Variants in VARS1 observed in about 807,000 individuals in gnomAD.
The protein encoded by VARS1 is valine--tRNA ligase.
In VARS1, 92 loss-of-function variants were observed where a neutral mutation model predicts 161.0. The ratio of observed to expected loss-of-function variants is 0.57; its 90% CI spans 0.48 to 0.68. VARS1 has a LOEUF of 0.68. Ranked by LOEUF, VARS1 falls within the 30% of genes least tolerant of loss-of-function variation. The pLI is 0.00. For missense variants in VARS1, 1,338 were observed against 1,695.9 expected (o/e 0.79, Z 3.71); for synonymous variants, 595 against 682.5 (o/e 0.87, Z 2.00).
At position 31,782,951 on chromosome 6, in the gene VARS1, C is replaced by T. The variant is rs1813257479; in HGVS notation, c.1763-106G>A. 1.3e-6 allele frequency: 2 copies of T among 1,527,766 alleles called. No homozygotes were observed. The highest frequency in any genetic ancestry group is 2.3e-5 in the East Asian group (1 of 43,262). 94.6% of individuals were successfully genotyped at this position (1,527,766 alleles called of 1,614,324 possible). On this transcript the variant is annotated intron_variant, in intron 14 of 29. Coordinates refer to ENST00000375663, the MANE Select transcript of VARS1 (RefSeq NM_006295.3). This position sits in a 1 kb window ranked among gnomAD's most constrained non-coding sequence, Gnocchi z 8.3. ...TAGCTCCGAGACCACTCCTGGCCCC[C>T]ACTTGTCTAATACAGTCCCTTGAGA...
rs938162710 is a variant in VARS1 at position 31,780,927 on chromosome 6, G to A, written c.2661C>T (p.Asn887=). 8 of 1,614,026 alleles carry A rather than the reference G, an allele frequency of 5.0e-6. No homozygotes were observed. The East Asian group carries it at 1.8e-4, about 36-fold the overall frequency. Reference sequence around the variant, plus strand: ...GATCCAGGTTGCTGTTCAGCAGCTGGTTGTGGAGGCCCTGAGGGTGGAGTG... The same window carrying A: ...GATCCAGGTTGCTGTTCAGCAGCTGATTGTGGAGGCCCTGAGGGTGGAGTG... ...IYGISLQGLH[N]QLLNSNLDPS... Residue 887 remains asparagine (N), a synonymous_variant, in exon 23 of 30, where the codon AAC becomes AAT. Transcript: ENST00000375663. The surrounding 1 kb of genome is among the most constrained non-coding windows in gnomAD (Gnocchi z 5.1).
chr6:31,779,308 A>G lies in VARS1; in HGVS notation c.3401-16T>C. On this transcript the variant is annotated splice_polypyrimidine_tract_variant and intron_variant, in intron 28 of 29. Transcript: ENST00000375663. This position sits in a 1 kb window ranked among gnomAD's most constrained non-coding sequence, Gnocchi z 9.1. ...TCCAGGAAACCTGCCAGGGAGGGAGAAAGGTGAGGCCTAGCTCCATGGAGA... is the reference window on the plus strand; with the variant it reads ...TCCAGGAAACCTGCCAGGGAGGGAGGAAGGTGAGGCCTAGCTCCATGGAGA... The G allele has an allele frequency of 1.2e-6, 2 of 1,601,588 alleles. No individual in the cohort carries two copies. Among genetic ancestry groups the G allele is most frequent in the Non-Finnish European group, 1.7e-6 (2 of 1,179,492 alleles).
In VARS1 at chr6:31,785,813, G is replaced by A. The variant is rs1483309572; in HGVS notation, c.1101-80C>T. 6.7e-7 allele frequency: 1 copy of A among 1,499,508 alleles called. No homozygotes were observed. Among genetic ancestry groups the A allele is most frequent in the Non-Finnish European group, 8.9e-7 (1 of 1,129,800 alleles). The allele number at this position is 1,499,508 out of a possible 1,614,324, so 92.9% of individuals were successfully genotyped here. On this transcript the variant is annotated intron_variant, in intron 8 of 29. Coordinates refer to ENST00000375663, the MANE Select transcript of VARS1 (RefSeq NM_006295.3). The surrounding 1 kb of genome is among the most constrained non-coding windows in gnomAD (Gnocchi z 6.1). ...CAAAGAAAGCAGAGGCTTCAGGCAA[G>A]GAGTCAGTGGACTAAATAAAGAAGC...
Position 31,785,167 on chromosome 6 carries a change from A to G in VARS1, c.1347+79T>C. Reference sequence around the variant, plus strand: ...CCAGCTCCTGAGAGAGGGCCACAACACCTCTGCTTTCTCCTGTGGGGGTCC... The same window carrying G: ...CCAGCTCCTGAGAGAGGGCCACAACGCCTCTGCTTTCTCCTGTGGGGGTCC... On this transcript the variant is annotated intron_variant, in intron 10 of 29. Transcript: ENST00000375663. This position sits in a 1 kb window ranked among gnomAD's most constrained non-coding sequence, Gnocchi z 6.1. 1 of 1,557,842 alleles carries G rather than the reference A, an allele frequency of 6.4e-7. No homozygotes were observed. The highest frequency in any genetic ancestry group is 8.8e-7 in the Non-Finnish European group (1 of 1,132,360).
In VARS1 at chr6:31,777,699, C is replaced by G; in HGVS notation, c.3727-37G>C. 6.2e-7 allele frequency: 1 copy of G among 1,602,148 alleles called. No individual in the cohort carries two copies. The highest frequency in any genetic ancestry group is 8.5e-7 in the Non-Finnish European group (1 of 1,173,918). On this transcript the variant is annotated intron_variant, in intron 29 of 29. Transcript: ENST00000375663. This position sits in a 1 kb window ranked among gnomAD's most constrained non-coding sequence, Gnocchi z 5.8. ...CCAGGGGGTGGGTGAGGACCCAGGT[C>G]CAAGTGAAGAGACCCCCAAACACCC...
chr6:31,794,329 G>C (rs370688180), intron 2 of VARS1, among the ~76,000 whole-genome samples: 1 of 152,152 alleles, frequency 6.6e-6, no homozygotes, highest in African/African-American at 2.4e-5. Context: ...CAAGGAGGCA[G>C]AGTTGAAAGT....
Position 31,793,538 on chromosome 6 carries a change from C to T in VARS1, c.388-418G>A, listed in dbSNP as rs114916735. ...AAAAAACAAAACACTTCTGACTCAT[C>T]CAACAAATCCCTACTCAATACTTAT... On this transcript the variant is annotated intron_variant, in intron 2 of 29. Coordinates refer to ENST00000375663, the MANE Select transcript of VARS1 (RefSeq NM_006295.3). Among the ~76,000 whole-genome samples, 658 of 151,980 alleles carry T rather than the reference C, an allele frequency of 4.3e-3. 5 individuals carry two copies. The highest frequency in any genetic ancestry group is 0.015 in the African/African-American group (626 of 41,452).
rs981115596 is a variant in VARS1 at position 31,784,928 on chromosome 6, G to A, written c.1348-214C>T. Among the ~76,000 whole-genome samples, 4 of 152,206 alleles carry A rather than the reference G, an allele frequency of 2.6e-5. No homozygotes were observed. Among genetic ancestry groups the A allele is most frequent in the Non-Finnish European group, 4.4e-5 (3 of 68,036 alleles). ...CAAGCCTTGTAATGCTGCAGATGGC[G>A]AGGAAGACAATCAGCTGGGGACAAG... On this transcript the variant is annotated intron_variant, in intron 10 of 29. Coordinates refer to ENST00000375663, the MANE Select transcript of VARS1 (RefSeq NM_006295.3). The surrounding 1 kb of genome is among the most constrained non-coding windows in gnomAD (Gnocchi z 6.1).
chr6:31,779,923 T>C lies in VARS1; in HGVS notation c.3081+75A>G. On this transcript the variant is annotated intron_variant, in intron 26 of 29. Coordinates refer to ENST00000375663, the MANE Select transcript of VARS1 (RefSeq NM_006295.3). This position sits in a 1 kb window ranked among gnomAD's most constrained non-coding sequence, Gnocchi z 9.1. Reference sequence around the variant, plus strand: ...GGTTGGCTTAGGTCTCAAGGCCAACTCTGGCAAAACTGAGCCCAGGGCTCT... The same window carrying C: ...GGTTGGCTTAGGTCTCAAGGCCAACCCTGGCAAAACTGAGCCCAGGGCTCT... 2 of 1,604,348 alleles carry C rather than the reference T, an allele frequency of 1.2e-6. No individual in the cohort carries two copies. Among genetic ancestry groups the C allele is most frequent in the Non-Finnish European group, 8.5e-7 (1 of 1,174,812 alleles).
chr6:31,780,510 C>T lies in VARS1; in HGVS notation c.2856G>A (p.Lys952=). 6.2e-7 allele frequency: 1 copy of T among 1,614,066 alleles called. No homozygotes were observed. The highest frequency in any genetic ancestry group is 2.2e-5 in the East Asian group (1 of 44,880). The stretch of plus-strand genomic sequence containing the variant: ...GGGCAAACTTGGTGGCATTCCAGAG[C>T]TTGTTGCAGAAGTGGCGGTAACCCA... ...RILGYRHFCN[K]LWNATKFALR... is the part of the protein sequence containing the mutation. The change falls in exon 25 of 30, where the codon AAG becomes AAA. Residue 952 remains lysine, a synonymous_variant. Transcript: ENST00000375663. This position sits in a 1 kb window ranked among gnomAD's most constrained non-coding sequence, Gnocchi z 5.1.
At position 31,781,322 on chromosome 6, in the gene VARS1, C is replaced by A; in HGVS notation, c.2544+159G>T. 1 of 1,285,152 alleles carries A rather than the reference C, an allele frequency of 7.8e-7. No homozygotes were observed. The allele number at this position is 1,285,152 out of a possible 1,614,324, so 79.6% of individuals were successfully genotyped here. ...GATGAAGCCCTGGGCACAGGAATCA[C>A]TGAGCAGGGCCCAGGCTGGATTTCA... On this transcript the variant is annotated intron_variant, in intron 21 of 29. Coordinates refer to ENST00000375663, the MANE Select transcript of VARS1 (RefSeq NM_006295.3). This position sits in a 1 kb window ranked among gnomAD's most constrained non-coding sequence, Gnocchi z 6.8.
rs773563309 is a variant in VARS1 at position 31,780,020 on chromosome 6, T to C, written c.3059A>G (p.Tyr1020Cys). ...CACCAAGTAGACATCACAGAGCTCA[T>C]AGAGCCAGAAGCTGTACTGGGCAGT... ...VTTAQYSFWL[Y>C]ELCDVYLECL... Residue 1020 changes from tyrosine to cysteine, a missense_variant, in exon 26 of 30, where the codon TAT (tyrosine) becomes TGT (cysteine). Coordinates refer to ENST00000375663, the MANE Select transcript of VARS1 (RefSeq NM_006295.3). This position sits in a 1 kb window ranked among gnomAD's most constrained non-coding sequence, Gnocchi z 5.1. 5 of 1,613,856 alleles carry C rather than the reference T, an allele frequency of 3.1e-6. No homozygotes were observed. In the South Asian group the frequency reaches 3.3e-5, roughly 11 times the overall value.
chr6:31,780,431 A>C lies in VARS1; in HGVS notation c.2925+10T>G. On this transcript the variant is annotated intron_variant, in intron 25 of 29. Transcript: ENST00000375663. This position sits in a 1 kb window ranked among gnomAD's most constrained non-coding sequence, Gnocchi z 5.1. ...AGTGCTGCCAGCTTTGCTGCCCACC[A>C]GGCCCTTACCTGGGAGGTGGGTGAG... 6.2e-7 allele frequency: 1 copy of C among 1,610,628 alleles called. No homozygotes were observed. Among genetic ancestry groups the C allele is most frequent in the South Asian group, 1.1e-5 (1 of 90,394 alleles).
chr6:31,777,790 C>T lies in VARS1; in HGVS notation c.3727-128G>A. Reference sequence around the variant, plus strand: ...GTCAGTAGCTCAGAGGAGGCGTGAACCTGGCTGGCCTGGCTCCCCACCCAT... The same window carrying T: ...GTCAGTAGCTCAGAGGAGGCGTGAATCTGGCTGGCCTGGCTCCCCACCCAT... On this transcript the variant is annotated intron_variant, in intron 29 of 29. Coordinates refer to ENST00000375663, the MANE Select transcript of VARS1 (RefSeq NM_006295.3). This position sits in a 1 kb window ranked among gnomAD's most constrained non-coding sequence, Gnocchi z 5.8. The T allele has an allele frequency of 1.0e-6, 1 of 994,854 alleles. No homozygotes were observed. The highest frequency in any genetic ancestry group is 1.5e-6 in the Non-Finnish European group (1 of 661,264). The allele number at this position is 994,854 out of a possible 1,614,324, so 61.6% of individuals were successfully genotyped here.
chr6:31,781,612 G>A lies in VARS1; in HGVS notation c.2419-6C>T, dbSNP rs1222066911. 1.9e-6 allele frequency: 3 copies of A among 1,612,938 alleles called. No homozygotes were observed. Among genetic ancestry groups the A allele is most frequent in the African/African-American group, 1.3e-5 (1 of 74,990 alleles). On this transcript the variant is annotated splice_polypyrimidine_tract_variant and splice_region_variant and intron_variant, in intron 20 of 29. Coordinates refer to ENST00000375663, the MANE Select transcript of VARS1 (RefSeq NM_006295.3). This position sits in a 1 kb window ranked among gnomAD's most constrained non-coding sequence, Gnocchi z 6.8. ...AACACACTCAGGTCTTCTGACTGAGGGCAGACCAGGGTGTGAAGGGGAGCC... is the reference window on the plus strand; with the variant it reads ...AACACACTCAGGTCTTCTGACTGAGAGCAGACCAGGGTGTGAAGGGGAGCC...
In VARS1 at chr6:31,785,561, A is replaced by C. The variant is rs772658147; in HGVS notation, c.1265+8T>G. The C allele has an allele frequency of 1.3e-5, 20 of 1,599,986 alleles. No homozygotes were observed. The highest frequency in any genetic ancestry group is 1.7e-5 in the Non-Finnish European group (20 of 1,173,628). ...GCTGCGATGCCCACAGGGATGCTGC[A>C]TACTCACTCCTCCTTCCACTTCCAG... On this transcript the variant is annotated splice_region_variant and intron_variant, in intron 9 of 29. Coordinates refer to ENST00000375663, the MANE Select transcript of VARS1 (RefSeq NM_006295.3). The surrounding 1 kb of genome is among the most constrained non-coding windows in gnomAD (Gnocchi z 6.1).
Position 31,795,546 on chromosome 6 carries a change from T to G in VARS1, c.-34A>C. The stretch of plus-strand genomic sequence containing the variant: ...GCGGGTTCGAGCCGCGTGTACGTAC[T>G]GGAGGGAGATGGTCAGACTGGGCCG... On this transcript the variant is annotated splice_region_variant and 5_prime_UTR_variant, in exon 1 of 30. Coordinates refer to ENST00000375663, the MANE Select transcript of VARS1 (RefSeq NM_006295.3). The surrounding 1 kb of genome is among the most constrained non-coding windows in gnomAD (Gnocchi z 6.9). 1.1e-4 allele frequency: 25 copies of G among 222,928 alleles called. No individual in the cohort carries two copies. Among genetic ancestry groups the G allele is most frequent in the East Asian group, 3.4e-4 (4 of 11,914 alleles). 13.8% of individuals were successfully genotyped at this position (222,928 alleles called of 1,614,324 possible).
chr6:31,792,110 G>T, intron 6 of VARS1, 107 bp downstream of exon 6: 3 of 1,480,904 alleles, frequency 2.0e-6, no homozygotes, highest in Non-Finnish European at 2.8e-6. Flanking sequence ...AGGGCAGGGG[G>T]TCTGCAATTC....
chr6:31,795,323 T>A lies in VARS1; in HGVS notation c.-33-73A>T. On this transcript the variant is annotated intron_variant, in intron 1 of 29. Transcript: ENST00000375663. This position sits in a 1 kb window ranked among gnomAD's most constrained non-coding sequence, Gnocchi z 6.9. ...CTATGTTTGAGTAGAGAGGGGACCC[T>A]CACGGGAGCTCCTTCGCCGCAGACA... The A allele has an allele frequency of 9.3e-7, 1 of 1,078,564 alleles. No homozygotes were observed. Among genetic ancestry groups the A allele is most frequent in the Non-Finnish European group, 1.2e-6 (1 of 833,714 alleles). The allele number at this position is 1,078,564 out of a possible 1,614,324, so 66.8% of individuals were successfully genotyped here.
Sources: gnomAD v4.1 joint callset for allele counts (sites outside exome capture counted in the v4.1 genomes callset) on GRCh38, gnomAD v4.1.1 for gene constraint, Gnocchi (gnomAD v3.1) non-coding constraint, MANE v1.5 for transcripts, NCBI Gene and HGNC (gene_info 2026-07-23, HGNC 2026-07-21) for gene names.